The following ZBTB20 variants were observed in gnomAD, a reference collection of about 807,000 sequenced individuals.
The protein encoded by ZBTB20 is zinc finger and BTB domain-containing protein 20.
Under a neutral mutation model 56.9 loss-of-function variants are expected in ZBTB20, and 9 were observed. That is an observed-to-expected ratio of 0.16 (90% confidence interval 0.10 to 0.28). ZBTB20 has a LOEUF of 0.28. Among genes scored for constraint, ZBTB20 ranks in the 10% least tolerant of loss-of-function variants. The pLI is 1.00. For missense variants in ZBTB20, 655 were observed against 1,003.0 expected, an observed-to-expected ratio of 0.65 and a Z score of 4.69; for synonymous variants, 417 against 420.7, an observed-to-expected ratio of 0.99 and a Z score of 0.11.
intron 1 of ZBTB20, among the ~76,000 whole-genome samples, chr3:115,105,021 C>G (rs1560575965): frequency 6.6e-6 from 1 of 151,502 alleles, no homozygotes; most frequent in East Asian, 1.9e-4. Flanking sequence ...TAAAATTACT[C>G]AAAAAAAAGT....
rs146272349 is a variant in ZBTB20, at chr3:114,409,807, A to T, written c.-254-20702T>A. Reference sequence around the variant, plus strand: ...CTTCTTATGAAACACTTGAAATTTCATAAGTTATAGAATTATCTACTGAAA... The same window carrying T: ...CTTCTTATGAAACACTTGAAATTTCTTAAGTTATAGAATTATCTACTGAAA... On this transcript the variant is annotated intron_variant, in intron 7 of 11. Transcript: ENST00000675478. Among the ~76,000 whole-genome samples the T allele has an allele frequency of 2.1e-3, 314 of 152,324 alleles. 1 individual carries two copies. Among genetic ancestry groups the T allele is most frequent in the Non-Finnish European group, 3.1e-3 (208 of 68,020 alleles).
chr3:115,005,057 G>A (rs2108231640), intron 2 of ZBTB20, among the ~76,000 whole-genome samples: 1 of 151,772 alleles, frequency 6.6e-6, no homozygotes, highest in Middle Eastern at 3.4e-3. Flanking sequence ...AGCAGAGACA[G>A]AGGGAAAGTG....
At chr3:114,410,464 C>G (rs1050252871) in intron 7 of ZBTB20, among the ~76,000 whole-genome samples, 1 of 152,076 alleles carries the variant, frequency 6.6e-6, no homozygotes, top group Non-Finnish European at 1.5e-5. Flanking sequence ...AGCCTCAGCA[C>G]GGTGGCTGTA....
intron 2 of ZBTB20, among the ~76,000 whole-genome samples, chr3:114,976,401 G>A (rs7643796): frequency 0.035 from 5,365 of 152,206 alleles, 255 homozygotes; most frequent in African/African-American, 0.099. Context: ...CGAGGCAGGC[G>A]GATCACCTGA....
chr3:114,840,724 C>G (rs1489733846), intron 4 of ZBTB20, among the ~76,000 whole-genome samples: 3 of 151,962 alleles, frequency 2.0e-5, no homozygotes, highest in Admixed American at 2.0e-4. Flanking sequence ...CCTTCCTATC[C>G]CTGACATTAA....
intron 1 of ZBTB20, among the ~76,000 whole-genome samples, chr3:115,130,772 GT>G (rs2084481633): frequency 6.6e-6 from 1 of 151,944 alleles, no homozygotes. Flanking sequence ...TTTTTTGTTT[GT>G]TTTTTGAGAT....
chr3:114,616,834 C>T (rs2057978087), intron 6 of ZBTB20, among the ~76,000 whole-genome samples: 1 of 152,214 alleles, frequency 6.6e-6, no homozygotes, highest in Non-Finnish European at 1.5e-5. Context: ...TACTCTTCCT[C>T]CTCATAGCTT....
intron 4 of ZBTB20, among the ~76,000 whole-genome samples, chr3:114,888,142 G>A (rs2076670742): frequency 6.6e-6 from 1 of 151,978 alleles, no homozygotes; most frequent in African/African-American, 2.4e-5. Context: ...AATAGGCTGG[G>A]TGCAGTGGCT....
At chr3:114,936,274 A>G (rs1318417663) in intron 3 of ZBTB20, among the ~76,000 whole-genome samples, 2 of 152,214 alleles carry the variant, frequency 1.3e-5, no homozygotes, top group African/African-American at 2.4e-5. Context: ...ACATGCATGC[A>G]CGCACACATG....
chr3:114,895,064 G>A (rs2074816776), intron 4 of ZBTB20, among the ~76,000 whole-genome samples: 1 of 152,002 alleles, frequency 6.6e-6, no homozygotes, highest in South Asian at 2.1e-4. Flanking sequence ...GAGGAAAATG[G>A]TTTACTATAA....
chr3:115,116,870 T>C (rs1319661434), intron 1 of ZBTB20, among the ~76,000 whole-genome samples: 3 of 152,090 alleles, frequency 2.0e-5, no homozygotes, highest in Non-Finnish European at 4.4e-5. Flanking sequence ...GCTGTAGTCA[T>C]CATGTATCTG....
At chr3:114,373,830 G>A (rs1261326732) in intron 10 of ZBTB20, among the ~76,000 whole-genome samples, 1 of 152,066 alleles carries the variant, frequency 6.6e-6, no homozygotes, top group Non-Finnish European at 1.5e-5. Context: ...GAATAAGAAC[G>A]ACTACCAGAA....
At chr3:115,102,396 C>T (rs2083610583) in intron 1 of ZBTB20, among the ~76,000 whole-genome samples, 1 of 151,822 alleles carries the variant, frequency 6.6e-6, no homozygotes, top group Admixed American at 6.6e-5. Flanking sequence ...CCTATTGTTT[C>T]TCCGAAGCTT....
intron 5 of ZBTB20, among the ~76,000 whole-genome samples, chr3:114,771,957 C>T (rs1207883326): frequency 6.6e-6 from 1 of 152,176 alleles, no homozygotes; most frequent in Non-Finnish European, 1.5e-5. Flanking sequence ...TCTGACCAAC[C>T]TAATAATGTC....
chr3:115,091,223 C>T (rs927667491), intron 1 of ZBTB20, among the ~76,000 whole-genome samples: 11 of 151,986 alleles, frequency 7.2e-5, no homozygotes, highest in African/African-American at 2.7e-4. Context: ...TCAGTTTCCT[C>T]TTCTAAAACA....
intron 3 of ZBTB20, among the ~76,000 whole-genome samples, chr3:114,973,528 CT>C (rs2077974044): frequency 6.6e-6 from 1 of 152,102 alleles, no homozygotes; most frequent in African/African-American, 2.4e-5. Flanking sequence ...AGTACTGCTG[CT>C]GCATTTGGAA....
intron 4 of ZBTB20, among the ~76,000 whole-genome samples, chr3:114,870,657 C>T (rs540782812): frequency 5.9e-5 from 9 of 151,546 alleles, no homozygotes; most frequent in South Asian, 2.1e-4. Context: ...GACAGACACA[C>T]GCACACACCC....
chr3:114,858,012 C>T (rs1192455713), intron 4 of ZBTB20, among the ~76,000 whole-genome samples: 3 of 152,172 alleles, frequency 2.0e-5, no homozygotes, highest in Non-Finnish European at 2.9e-5. Context: ...TGTTTATTCA[C>T]TTTTCAGGCA....
At chr3:114,925,673 C>T (rs2076129980) in intron 3 of ZBTB20, among the ~76,000 whole-genome samples, 1 of 151,858 alleles carries the variant, frequency 6.6e-6, no homozygotes, top group Non-Finnish European at 1.5e-5. Flanking sequence ...ACTACAGGCG[C>T]CCGCCACCAC....
Sources: allele counts gnomAD v4.1 joint callset (sites outside exome capture counted in the v4.1 genomes callset), GRCh38; gene constraint gnomAD v4.1.1; transcripts MANE v1.5; gene names NCBI Gene and HGNC (gene_info 2026-07-23, HGNC 2026-07-21).